LGR6: variants seen among roughly 807,000 people sequenced by gnomAD.
LGR6 encodes leucine rich repeat containing G protein-coupled receptor 6.
A neutral mutation model predicts 69.4 loss-of-function variants in LGR6; 45 were observed. That is an observed-to-expected ratio of 0.65 (90% CI 0.51 to 0.83). The LOEUF (loss-of-function observed/expected upper bound fraction) is 0.83. LGR6 is among the 40% of genes least tolerant of loss of function. LGR6 has a pLI of 0.00. For missense variants in LGR6, 1,108 were observed against 1,246.7 expected, an observed-to-expected ratio of 0.89 and a Z score of 1.68; for synonymous variants, 538 against 555.0, an observed-to-expected ratio of 0.97 and a Z score of 0.43.
At chr1:202,233,435 C>A (rs999442107) in intron 3 of LGR6, among the ~76,000 whole-genome samples, 1 of 152,168 alleles carries the variant, frequency 6.6e-6, no homozygotes, top group African/African-American at 2.4e-5. Flanking sequence ...TGTATCCTTG[C>A]TCCAAGCACC....
chr1:202,312,794 AT>A (rs1653846681), intron 16 of LGR6, among the ~76,000 whole-genome samples: 1 of 152,176 alleles, frequency 6.6e-6, no homozygotes, highest in African/African-American at 2.4e-5. Context: ...ACTGCAAAAA[AT>A]GTTTTGTCTT....
intron 6 of LGR6, among the ~76,000 whole-genome samples, chr1:202,294,642 A>C (rs929081568): frequency 6.6e-6 from 1 of 152,208 alleles, no homozygotes; most frequent in Non-Finnish European, 1.5e-5. Flanking sequence ...GAGCATTCCA[A>C]GAAAGCAAAG....
chr1:202,265,921 G>T (rs1338902432), intron 4 of LGR6, among the ~76,000 whole-genome samples: 1 of 152,126 alleles, frequency 6.6e-6, no homozygotes, highest in Non-Finnish European at 1.5e-5. Context: ...GTGGGCACTT[G>T]GGTAAAGTTG....
chr1:202,222,694 G>A (rs1235758507), intron 1 of LGR6, among the ~76,000 whole-genome samples: 1 of 152,160 alleles, frequency 6.6e-6, no homozygotes, highest in South Asian at 2.1e-4. Flanking sequence ...GTTTCTGTGG[G>A]TGCCACCCTA....
intron 15 of LGR6, 63 bp from the exon 16 acceptor site, chr1:202,310,134 A>T: frequency 6.4e-7 from 1 of 1,557,022 alleles, no homozygotes; most frequent in Non-Finnish European, 8.8e-7. Flanking sequence ...CTCTTAAATC[A>T]GACTTAGGTC....
chr1:202,219,147 G>A (rs1483108733), intron 1 of LGR6, among the ~76,000 whole-genome samples: 1 of 152,224 alleles, frequency 6.6e-6, no homozygotes, highest in Non-Finnish European at 1.5e-5. Context: ...AATTCAGCAA[G>A]TGTTCTCTGA....
intron 1 of LGR6, among the ~76,000 whole-genome samples, chr1:202,214,990 G>GGGGTGT (rs556208586): frequency 6.9e-5 from 10 of 145,524 alleles, no homozygotes; most frequent in African/African-American, 2.6e-4. Context: ...GGTGCACCTG[G>GGGGTGT]GTGTGTGTGT....
intron 5 of LGR6, among the ~76,000 whole-genome samples, chr1:202,277,642 A>G (rs1382739250): frequency 1.3e-5 from 2 of 152,126 alleles, no homozygotes; most frequent in Admixed American, 6.5e-5. Flanking sequence ...TTGAGCCCCC[A>G]TGTGGTGTAC....
intron 3 of LGR6, among the ~76,000 whole-genome samples, chr1:202,228,984 G>A (rs1660791720): frequency 1.3e-5 from 2 of 152,100 alleles, no homozygotes; most frequent in Non-Finnish European, 2.9e-5. Flanking sequence ...TCTGGTTAAG[G>A]AAGTGAGAAG....
chr1:202,311,505 C>T (rs146958529), intron 16 of LGR6, among the ~76,000 whole-genome samples: 1 of 152,090 alleles, frequency 6.6e-6, no homozygotes, highest in East Asian at 1.9e-4. Context: ...ACCAAAAATA[C>T]AAAAATTAGC....
At chr1:202,272,786 C>T (rs139821778) in intron 4 of LGR6, among the ~76,000 whole-genome samples, 70 of 152,366 alleles carry the variant, frequency 4.6e-4, no homozygotes, top group African/African-American at 1.4e-3. Context: ...CTCACACATA[C>T]GCACATACAT....
chr1:202,301,063 T>C, intron 8 of LGR6, 101 bp from the exon 9 acceptor site: 1 of 1,368,782 alleles, frequency 7.3e-7, no homozygotes, highest in Non-Finnish European at 1.0e-6. Flanking sequence ...GCATGTTCTT[T>C]CCTGGGTCTA....
rs77082099 is a variant in LGR6 at position 202,201,249 on chromosome 1, C to T, written c.212+7048C>T. Among the ~76,000 whole-genome samples, 636 of 152,330 alleles carry T rather than the reference C, an allele frequency of 4.2e-3. 4 individuals are homozygous for T. Among genetic ancestry groups the T allele is most frequent in the African/African-American group, 0.014 (598 of 41,574 alleles). Reference sequence around the variant, plus strand: ...ACTGTGATCTTCTTCCAGAAAGACACTAGCTCATCAGGAACGTTCATTCTT... The same window carrying T: ...ACTGTGATCTTCTTCCAGAAAGACATTAGCTCATCAGGAACGTTCATTCTT... On this transcript the variant is annotated intron_variant, in intron 1 of 17. Coordinates refer to ENST00000367278, the MANE Select transcript of LGR6 (RefSeq NM_001017403.2).
At position 202,276,451 on chromosome 1, in the gene LGR6, A is replaced by G; in HGVS notation, c.574A>G (p.Thr192Ala). Residue 192 changes from threonine to alanine, a missense_variant, in exon 5 of 18, where the codon ACC (threonine) becomes GCC (alanine). Physicochemically the swap from Thr to Ala is moderately conservative, Grantham distance 58. Transcript: ENST00000367278. ...LNNLPALQAM[T>A]LALNRISHIP... ...CAACCTCCCTGCCCTGCAGGCCATG[A>G]CCCTGGCCCTCAACCGCATCAGCCA... The G allele has an allele frequency of 6.2e-7, 1 of 1,614,010 alleles. No homozygotes were observed. The highest frequency in any genetic ancestry group is 8.5e-7 in the Non-Finnish European group (1 of 1,179,972).
chr1:202,298,295 G>C (rs1667309807), intron 7 of LGR6, among the ~76,000 whole-genome samples: 1 of 152,190 alleles, frequency 6.6e-6, no homozygotes, highest in Admixed American at 6.5e-5. Context: ...GACCGGGATT[G>C]AGGCGACAGT....
At chr1:202,306,745 G>A (rs892994773) in intron 12 of LGR6, 123 bp from the exon 13 acceptor site, 3 of 892,300 alleles carry the variant, frequency 3.4e-6, no homozygotes, top group South Asian at 2.8e-5. Context: ...CTCGGGCTGG[G>A]CCCTTTCTTC....
At chr1:202,316,298 G>T (rs1654137936) in intron 17 of LGR6, among the ~76,000 whole-genome samples, 1 of 152,168 alleles carries the variant, frequency 6.6e-6, no homozygotes, top group African/African-American at 2.4e-5. Context: ...AGCAGAAGGG[G>T]AGTGGGTATG....
At chr1:202,301,267 G>A (rs1558075254) in intron 9 of LGR6, 32 bp downstream of exon 9, 1 of 1,574,180 alleles carries the variant, frequency 6.4e-7, no homozygotes, top group Non-Finnish European at 8.7e-7. Context: ...GCTGCAGCCT[G>A]AACTTCCCCC....
At chr1:202,195,078 G>A (rs1235828991) in intron 1 of LGR6, among the ~76,000 whole-genome samples, 1 of 152,158 alleles carries the variant, frequency 6.6e-6, no homozygotes, top group Non-Finnish European at 1.5e-5. Context: ...CCACCCACCT[G>A]CACCCCCAGC....
Sources: gnomAD v4.1 joint callset for allele counts (sites outside exome capture counted in the v4.1 genomes callset) on GRCh38, gnomAD v4.1.1 for gene constraint, MANE v1.5 for transcripts, NCBI Gene and HGNC (gene_info 2026-07-23, HGNC 2026-07-21) for gene names.